Variants in ZPBP observed in about 807,000 individuals in gnomAD.
ZPBP encodes zona pellucida-binding protein 1.
Under a neutral mutation model 44.8 loss-of-function variants are expected in ZPBP, and 26 were observed. The observed-to-expected ratio is 0.58, with a 90% confidence interval of 0.43 to 0.81. The LOEUF (loss-of-function observed/expected upper bound fraction) is 0.81, where lower values mean the gene tolerates loss of function less well. ZPBP is among the 30% of genes least tolerant of loss of function. The pLI, the probability that ZPBP is intolerant of heterozygous loss-of-function variation, is 0.00. For missense variants in ZPBP, 409 were observed against 434.0 expected, an observed-to-expected ratio of 0.94 and a Z score of 0.51; for synonymous variants, 174 against 153.2, an observed-to-expected ratio of 1.14 and a Z score of -1.00.
At chr7:50,008,247 G>C (rs1385597354) in intron 6 of ZPBP, among the ~76,000 whole-genome samples, 3 of 151,502 alleles carry the variant, frequency 2.0e-5, no homozygotes, top group Non-Finnish European at 2.9e-5. Flanking sequence ...TATACCAAAA[G>C]GAAATTAAGA....
intron 5 of ZPBP, 42 bp downstream of exon 5, chr7:50,031,050 T>C (rs1799582956): frequency 6.4e-7 from 1 of 1,552,380 alleles, no homozygotes; most frequent in African/African-American, 1.4e-5. Flanking sequence ...CTATTAGTTA[T>C]GTGTTCTCCA....
At chr7:49,915,869 TTC>T (rs1793695884) in intron 1 of ZPBP, 1 of 152,212 alleles carries the variant, frequency 6.6e-6, no homozygotes, top group Non-Finnish European at 1.5e-5. Flanking sequence ...ACATACATGC[TTC>T]TTTGGCCAAC....
intron 3 of ZPBP, among the ~76,000 whole-genome samples, chr7:50,069,160 C>T (rs930245373): frequency 2.0e-5 from 3 of 152,154 alleles, no homozygotes; most frequent in Non-Finnish European, 4.4e-5. Flanking sequence ...AGCCTGTATT[C>T]CTTTTAACTT....
At chr7:49,947,973 T>C (rs1490220111) in intron 7 of ZPBP, among the ~76,000 whole-genome samples, 1 of 152,214 alleles carries the variant, frequency 6.6e-6, no homozygotes, top group Non-Finnish European at 1.5e-5. Flanking sequence ...TCTATGACCA[T>C]CATTGCCCCA....
chr7:49,943,555 G>T, intron 7 of ZPBP: 1 of 389,302 alleles, frequency 2.6e-6, no homozygotes. Context: ...CTGAATAAAT[G>T]CTCCTTTGCG....
chr7:49,844,652 C>T, the ZPBP span, among the ~76,000 whole-genome samples: 8 of 152,240 alleles, frequency 5.3e-5, no homozygotes, highest in South Asian at 4.2e-4. Context: ...GGATCTGACA[C>T]GTAGCAGCCA....
chr7:49,848,217 C>T (rs1186390852), downstream of ZPBP, among the ~76,000 whole-genome samples: 2 of 152,178 alleles, frequency 1.3e-5, no homozygotes, highest in East Asian at 1.9e-4. Context: ...ACTTATGCTG[C>T]AAGTGTCTTT....
intron 3 of ZPBP, among the ~76,000 whole-genome samples, chr7:50,073,729 G>T (rs1406089871): frequency 6.6e-6 from 1 of 152,104 alleles, no homozygotes; most frequent in Non-Finnish European, 1.5e-5. Context: ...AACCTTACAG[G>T]CCAGGAGAGA....
chr7:50,037,220 C>G (rs1424751321), intron 4 of ZPBP, among the ~76,000 whole-genome samples: 1 of 152,112 alleles, frequency 6.6e-6, no homozygotes, highest in Non-Finnish European at 1.5e-5. Flanking sequence ...AGGAGCTCTG[C>G]AAACTCCAAC....
intron 7 of ZPBP, among the ~76,000 whole-genome samples, chr7:49,941,178 A>G (rs980095239): frequency 6.6e-6 from 1 of 152,194 alleles, no homozygotes; most frequent in Non-Finnish European, 1.5e-5. Context: ...AGAAATTGAA[A>G]TCATACTTGG....
chr7:50,057,210 C>A (rs1361396653), intron 4 of ZPBP, among the ~76,000 whole-genome samples: 1 of 150,678 alleles, frequency 6.6e-6, no homozygotes, highest in South Asian at 2.1e-4. Flanking sequence ...AAAAAGTGAG[C>A]CTTAATAAGC....
At chr7:49,966,837 A>G (rs1029603229) in intron 7 of ZPBP, among the ~76,000 whole-genome samples, 2 of 152,146 alleles carry the variant, frequency 1.3e-5, no homozygotes, top group Non-Finnish European at 2.9e-5. Context: ...GTTATGTGGG[A>G]AAGTTCTTTG....
chr7:49,903,437 C>G (rs140262939), intron 1 of ZPBP, among the ~76,000 whole-genome samples: 1 of 152,202 alleles, frequency 6.6e-6, no homozygotes, highest in East Asian at 1.9e-4. Context: ...CTCACCACAA[C>G]TTGGATAGAT....
At chr7:49,939,287 T>C (rs1794756996) in intron 7 of ZPBP, among the ~76,000 whole-genome samples, 1 of 152,132 alleles carries the variant, frequency 6.6e-6, no homozygotes, top group African/African-American at 2.4e-5. Flanking sequence ...TTATCAAAAA[T>C]AGAAATGACA....
intron 4 of ZPBP, among the ~76,000 whole-genome samples, chr7:50,034,187 T>C (rs1314353682): frequency 6.6e-6 from 1 of 151,916 alleles, no homozygotes; most frequent in Non-Finnish European, 1.5e-5. Context: ...TTGAGGGTTT[T>C]TTTTTTTTAA....
chr7:50,041,524 G>A (rs192061868), intron 4 of ZPBP, among the ~76,000 whole-genome samples: 82 of 152,304 alleles, frequency 5.4e-4, no homozygotes, highest in African/African-American at 1.8e-3. Flanking sequence ...AGAAGGTCTC[G>A]AGTGGACCTC....
At chr7:50,061,535 T>C (rs2128832927) in intron 3 of ZPBP, among the ~76,000 whole-genome samples, 1 of 152,304 alleles carries the variant, frequency 6.6e-6, no homozygotes, top group Non-Finnish European at 1.5e-5. Context: ...ACCTCATCTC[T>C]ACTAAAAATA....
intron 2 of ZPBP, among the ~76,000 whole-genome samples, chr7:50,083,996 T>C (rs138424998): frequency 8.9e-4 from 136 of 152,108 alleles, no homozygotes; most frequent in Non-Finnish European, 1.7e-3. Context: ...CTGTATAACA[T>C]AGGCAAAGTT....
At chr7:49,886,414 AT>A (rs1264434161) in intron 2 of ZPBP, among the ~76,000 whole-genome samples, 1 of 152,210 alleles carries the variant, frequency 6.6e-6, no homozygotes, top group East Asian at 1.9e-4. Context: ...GTAATTAAAA[AT>A]GATATGATTA....
Sources: gnomAD v4.1 joint callset for allele counts (sites outside exome capture counted in the v4.1 genomes callset) on GRCh38, gnomAD v4.1.1 for gene constraint, MANE v1.5 for transcripts, NCBI Gene and HGNC (gene_info 2026-07-23, HGNC 2026-07-21) for gene names.